FHOD3: variants seen among roughly 807,000 people sequenced by gnomAD.
The protein encoded by FHOD3 is FH1/FH2 domain-containing protein 3.
A neutral mutation model predicts 173.0 loss-of-function variants in FHOD3; 90 were observed. The ratio of observed to expected loss-of-function variants is 0.52; its 90% CI spans 0.44 to 0.62. FHOD3 has a LOEUF of 0.62. FHOD3 is among the 20% of genes least tolerant of loss of function. FHOD3 has a pLI of 0.00. For missense variants in FHOD3, 1,945 were observed against 2,034.7 expected (o/e 0.96, Z 0.85); for synonymous variants, 828 against 823.0 (o/e 1.01, Z -0.10).
At chr18:36,748,364 GCACACACACACACACACAACACACACACA>G (rs1439959710) in intron 24 of FHOD3, among the ~76,000 whole-genome samples, 60 of 140,828 alleles carry the variant, frequency 4.3e-4, no homozygotes, top group African/African-American at 1.5e-3. Flanking sequence ...ACACGCACGC[GCACACACACACACACACAACACACACACA>G]CACACACACA....
chr18:36,779,652 C>T lies in FHOD3; in HGVS notation c.*122C>T, dbSNP rs1487815781. 2.4e-6 allele frequency: 2 copies of T among 824,780 alleles called. No homozygotes were observed. The highest frequency in any genetic ancestry group is 4.0e-6 in the Non-Finnish European group (2 of 505,384). The allele number at this position is 824,780 out of a possible 1,614,324, so 51.1% of individuals were successfully genotyped here. A position where few individuals can be genotyped will look rare whatever the true frequency, so the allele number is the denominator to read the frequency against. On this transcript the variant is annotated 3_prime_UTR_variant, in exon 29 of 29. Coordinates refer to ENST00000590592, the MANE Select transcript of FHOD3 (RefSeq NM_001281740.3). The stretch of plus-strand genomic sequence containing the variant: ...TCCAACAGTTTGAAAAGGGAGAGCT[C>T]AATTCCCAGCGTCACCCCATGGCTT...
chr18:36,501,481 G>T (rs80248589), intron 3 of FHOD3, among the ~76,000 whole-genome samples: 2,460 of 152,324 alleles, frequency 0.016, 21 homozygotes, highest in Non-Finnish European at 0.023. Flanking sequence ...GAGGCATGAG[G>T]TAGAAGGATG....
intron 8 of FHOD3, among the ~76,000 whole-genome samples, chr18:36,608,034 C>G (rs1599854232): frequency 2.6e-5 from 4 of 152,228 alleles, no homozygotes. Flanking sequence ...TCTAGTCAAT[C>G]TAGGCTTTTT....
At chr18:36,738,613 G>A (rs1223538697) in intron 20 of FHOD3, among the ~76,000 whole-genome samples, 6 of 152,140 alleles carry the variant, frequency 3.9e-5, no homozygotes, top group Non-Finnish European at 7.4e-5. Context: ...GTTTGTTTAC[G>A]TATAGTGTAA....
intron 14 of FHOD3, among the ~76,000 whole-genome samples, chr18:36,674,566 A>C (rs2037728170): frequency 6.6e-6 from 1 of 152,086 alleles, no homozygotes; most frequent in African/African-American, 2.4e-5. Context: ...TTCAGCAACT[A>C]GGTGTCTGGT....
At chr18:36,743,727 C>T (rs553283732) in intron 22 of FHOD3, among the ~76,000 whole-genome samples, 13 of 152,306 alleles carry the variant, frequency 8.5e-5, no homozygotes, top group Admixed American at 3.9e-4. Context: ...TAGACAACAA[C>T]AGGCAAAGGG....
intron 1 of FHOD3, among the ~76,000 whole-genome samples, chr18:36,355,084 A>T (rs1200548002): frequency 1.3e-5 from 2 of 152,244 alleles, no homozygotes; most frequent in Non-Finnish European, 2.9e-5. Context: ...TGTAATGTGC[A>T]GAGTATGACC....
chr18:36,314,634 T>C (rs1448599631), intron 1 of FHOD3, among the ~76,000 whole-genome samples: 1 of 152,206 alleles, frequency 6.6e-6, no homozygotes, highest in African/African-American at 2.4e-5. Context: ...TTCTCTTTGC[T>C]GAGGGCAAGT....
chr18:36,485,659 G>A (rs2054156560), intron 3 of FHOD3, among the ~76,000 whole-genome samples: 1 of 152,190 alleles, frequency 6.6e-6, no homozygotes, highest in South Asian at 2.1e-4. Context: ...GACACCACAT[G>A]CTAGGTGAAC....
chr18:36,620,395 T>C (rs933026845), intron 9 of FHOD3, among the ~76,000 whole-genome samples: 2 of 152,226 alleles, frequency 1.3e-5, no homozygotes, highest in African/African-American at 4.8e-5. Context: ...TCTCTTTCCC[T>C]AAGGCTCCTT....
chr18:36,438,423 G>A (rs1242585738), intron 3 of FHOD3, among the ~76,000 whole-genome samples: 2 of 152,096 alleles, frequency 1.3e-5, no homozygotes, highest in Non-Finnish European at 2.9e-5. Context: ...CTCTCCCACC[G>A]GCTCCCCTGC....
intron 27 of FHOD3, among the ~76,000 whole-genome samples, chr18:36,767,566 C>A (rs930576289): frequency 1.3e-5 from 2 of 152,046 alleles, no homozygotes; most frequent in Non-Finnish European, 2.9e-5. Flanking sequence ...GCGATCTGCC[C>A]GCCTCAGCCT....
intron 3 of FHOD3, among the ~76,000 whole-genome samples, chr18:36,417,232 C>G (rs1053923650): frequency 6.6e-6 from 1 of 152,148 alleles, no homozygotes; most frequent in Admixed American, 6.5e-5. Flanking sequence ...CATCCATCCT[C>G]TGATAGGCCC....
intron 1 of FHOD3, among the ~76,000 whole-genome samples, chr18:36,328,814 A>G (rs28647967): frequency 0.12 from 18,075 of 152,224 alleles, 3,576 homozygotes; most frequent in African/African-American, 0.41. Flanking sequence ...ACAGAGCTGC[A>G]CTTCACTGAG....
Position 36,779,971 on chromosome 18 carries a change from T to C in FHOD3, c.*441T>C. ...AAGAAAGCACAGATTGTTTACCTGT[T>C]GTGGATTTTAGATGTAACAAATGTT... On this transcript the variant is annotated 3_prime_UTR_variant, in exon 29 of 29. Coordinates refer to ENST00000590592, the MANE Select transcript of FHOD3 (RefSeq NM_001281740.3). The C allele has an allele frequency of 2.1e-6, 1 of 468,770 alleles. No homozygotes were observed. The highest frequency in any genetic ancestry group is 3.5e-6 in the Non-Finnish European group (1 of 287,564). 29.0% of individuals were successfully genotyped at this position (468,770 alleles called of 1,614,324 possible). A position where few individuals can be genotyped will look rare whatever the true frequency, so the allele number is the denominator to read the frequency against.
chr18:36,354,792 C>A (rs563849666), intron 1 of FHOD3, among the ~76,000 whole-genome samples: 2 of 150,310 alleles, frequency 1.3e-5, no homozygotes, highest in African/African-American at 2.4e-5. Context: ...GGTGACAGAG[C>A]GAGACTCTGT....
chr18:36,676,386 G>A (rs1330302184), intron 14 of FHOD3, among the ~76,000 whole-genome samples: 1 of 152,148 alleles, frequency 6.6e-6, no homozygotes, highest in East Asian at 1.9e-4. Flanking sequence ...CAGATGTAGA[G>A]TATTCCTTTC....
At chr18:36,537,444 AGCC>A (rs1480219298) in intron 5 of FHOD3, among the ~76,000 whole-genome samples, 1 of 152,148 alleles carries the variant, frequency 6.6e-6, no homozygotes. Context: ...CTTGCCCAGG[AGCC>A]AGTGGACACC....
chr18:36,745,408 T>G (rs2042102468), intron 23 of FHOD3, among the ~76,000 whole-genome samples: 1 of 152,342 alleles, frequency 6.6e-6, no homozygotes, highest in East Asian at 1.9e-4. Flanking sequence ...TCGCCTTCTC[T>G]TTCTGATGCA....
Sources: gnomAD v4.1 joint callset for allele counts (sites outside exome capture counted in the v4.1 genomes callset) on GRCh38, gnomAD v4.1.1 for gene constraint, MANE v1.5 for transcripts, NCBI Gene and HGNC (gene_info 2026-07-23, HGNC 2026-07-21) for gene names.